AIG1: variants seen among roughly 807,000 people sequenced by gnomAD.
AIG1 encodes androgen-induced gene 1 protein.
Under a neutral mutation model 31.4 loss-of-function variants are expected in AIG1, and 23 were observed. The ratio of observed to expected loss-of-function variants is 0.73; its 90% CI spans 0.53 to 1.04. AIG1 has a LOEUF of 1.04. AIG1 is among the 50% of genes least tolerant of loss of function. AIG1 has a pLI of 0.00. For missense variants in AIG1, 274 were observed against 295.0 expected (o/e 0.93, Z 0.52); for synonymous variants, 100 against 110.5 (o/e 0.90, Z 0.60).
intron 3 of AIG1, among the ~76,000 whole-genome samples, chr6:143,251,897 C>T (rs1795035247): frequency 1.3e-5 from 2 of 152,188 alleles, no homozygotes; most frequent in South Asian, 4.1e-4. Context: ...ATTACATCTT[C>T]TCTCCATTGA....
downstream of AIG1, chr6:143,343,284 T>C (rs2128728993): frequency 1.6e-6 from 1 of 633,452 alleles, no homozygotes; most frequent in Non-Finnish European, 3.1e-6. Context: ...GTATGTTACT[T>C]ACCCTCATGA....
At chr6:143,194,321 C>T (rs565886320) in intron 3 of AIG1, among the ~76,000 whole-genome samples, 7 of 152,298 alleles carry the variant, frequency 4.6e-5, no homozygotes, top group Admixed American at 2.6e-4. Flanking sequence ...TGAGAACTCA[C>T]TCACTATCAC....
intron 3 of AIG1, among the ~76,000 whole-genome samples, chr6:143,252,727 G>A (rs544952065): frequency 3.9e-5 from 6 of 152,278 alleles, no homozygotes; most frequent in South Asian, 2.1e-4. Flanking sequence ...TTAAAACAAC[G>A]CACATTTATC....
At chr6:143,253,108 C>G (rs895539956) in intron 3 of AIG1, among the ~76,000 whole-genome samples, 8 of 152,204 alleles carry the variant, frequency 5.3e-5, no homozygotes, top group Admixed American at 3.9e-4. Context: ...TCACAATGTT[C>G]TGTAGGTTAG....
At chr6:143,169,528 A>G (rs1038318697) in intron 3 of AIG1, among the ~76,000 whole-genome samples, 1 of 152,128 alleles carries the variant, frequency 6.6e-6, no homozygotes, top group Non-Finnish European at 1.5e-5. Flanking sequence ...GTATTGCTAT[A>G]GAACACTGGA....
intron 4 of AIG1, among the ~76,000 whole-genome samples, chr6:143,300,903 A>G (rs1039893363): frequency 2.6e-5 from 4 of 152,178 alleles, no homozygotes; most frequent in Non-Finnish European, 4.4e-5. Flanking sequence ...TGTAGCTGGC[A>G]ATGATCCAGC....
chr6:143,181,497 C>T (rs370933331), intron 3 of AIG1, among the ~76,000 whole-genome samples: 2 of 152,152 alleles, frequency 1.3e-5, no homozygotes, highest in African/African-American at 4.8e-5. Context: ...CTAACAAGTC[C>T]AGTCCTCCCA....
chr6:143,254,379 T>C (rs899280426), intron 3 of AIG1, among the ~76,000 whole-genome samples: 2 of 152,110 alleles, frequency 1.3e-5, no homozygotes, highest in Non-Finnish European at 2.9e-5. Flanking sequence ...TCATGACAAA[T>C]TTAAAACAAC....
At chr6:143,091,621 G>A (rs1779312068) in intron 1 of AIG1, among the ~76,000 whole-genome samples, 1 of 152,156 alleles carries the variant, frequency 6.6e-6, no homozygotes, top group Admixed American at 6.5e-5. Flanking sequence ...ACAAAATATT[G>A]TTAGTCTCAT....
chr6:143,264,242 A>C (rs1287188142), intron 3 of AIG1, among the ~76,000 whole-genome samples: 1 of 152,134 alleles, frequency 6.6e-6, no homozygotes. Flanking sequence ...TTGTGCCCAC[A>C]CTGCGGATTT....
chr6:143,070,978 A>T (rs1048268134), intron 1 of AIG1, among the ~76,000 whole-genome samples: 1 of 152,226 alleles, frequency 6.6e-6, no homozygotes, highest in Admixed American at 6.5e-5. Flanking sequence ...ACACCTTGCA[A>T]AACTGTATTA....
At chr6:143,126,459 C>T (rs931155651) in intron 1 of AIG1, among the ~76,000 whole-genome samples, 5 of 152,126 alleles carry the variant, frequency 3.3e-5, no homozygotes, top group Non-Finnish European at 4.4e-5. Context: ...GATGAAGTAC[C>T]GTTGGAGTTC....
At chr6:143,255,939 C>A (rs1433006851) in intron 3 of AIG1, among the ~76,000 whole-genome samples, 1 of 152,060 alleles carries the variant, frequency 6.6e-6, no homozygotes, top group African/African-American at 2.4e-5. Flanking sequence ...ATTAATCTTT[C>A]AAAAGATTAA....
At position 143,279,068 on chromosome 6, in the gene AIG1, GT is replaced by G. The variant is rs1381775100; in HGVS notation, c.400-5041del. Among the ~76,000 whole-genome samples the G allele has an allele frequency of 6.6e-6, 1 of 152,144 alleles. No homozygotes were observed. The highest frequency in any genetic ancestry group is 6.5e-5 in the Admixed American group (1 of 15,278). The stretch of plus-strand genomic sequence containing the variant: ...TGTAGATTTTAAGCACTTTGTGTTA[GT>G]GAGTCCCTTCTTACATTAGTGTGTA... On this transcript the variant is annotated intron_variant, in intron 3 of 5. Transcript: ENST00000357847. This position sits in a 1 kb window ranked among gnomAD's most constrained non-coding sequence, Gnocchi z 5.4.
At chr6:143,092,595 T>C (rs1310917693) in intron 1 of AIG1, among the ~76,000 whole-genome samples, 1 of 152,208 alleles carries the variant, frequency 6.6e-6, no homozygotes, top group East Asian at 1.9e-4. Flanking sequence ...GAAGTCCTTT[T>C]GTTTTCTGAG....
intron 1 of AIG1, among the ~76,000 whole-genome samples, chr6:143,110,173 C>T (rs1400156270): frequency 6.6e-6 from 1 of 152,080 alleles, no homozygotes; most frequent in Non-Finnish European, 1.5e-5. Flanking sequence ...CTGTGCTGCC[C>T]CACTGGTCTA....
chr6:143,244,367 C>T (rs545756190), intron 3 of AIG1, among the ~76,000 whole-genome samples: 1 of 152,280 alleles, frequency 6.6e-6, no homozygotes, highest in African/African-American at 2.4e-5. Context: ...GGGGCAGCCT[C>T]AGGTCAAGAC....
chr6:143,168,079 T>A (rs1787133611), intron 3 of AIG1, among the ~76,000 whole-genome samples: 1 of 152,198 alleles, frequency 6.6e-6, no homozygotes, highest in African/African-American at 2.4e-5. Flanking sequence ...ATAATTTTCA[T>A]AAAATGTGTA....
intron 3 of AIG1, among the ~76,000 whole-genome samples, chr6:143,251,121 C>T (rs562264521): frequency 2.6e-5 from 4 of 152,328 alleles, no homozygotes; most frequent in East Asian, 3.9e-4. Flanking sequence ...GGCGCAATCT[C>T]GGCTCACTGA....
Sources: allele counts gnomAD v4.1 joint callset (sites outside exome capture counted in the v4.1 genomes callset), GRCh38; gene constraint gnomAD v4.1.1; non-coding constraint Gnocchi (gnomAD v3.1); transcripts MANE v1.5; gene names NCBI Gene and HGNC (gene_info 2026-07-23, HGNC 2026-07-21).